Variants in MLPH observed in about 807,000 individuals in gnomAD.
MLPH encodes the protein exophilin-3.
A neutral mutation model predicts 72.1 loss-of-function variants in MLPH; 51 were observed. That is an observed-to-expected ratio of 0.71 (90% CI 0.56 to 0.89). The LOEUF is 0.89. MLPH is among the 40% of genes least tolerant of loss of function. MLPH has a pLI of 0.00. For synonymous variants in MLPH, 301 were observed against 310.1 expected (o/e 0.97, Z 0.31); for missense variants, 743 against 759.9 (o/e 0.98, Z 0.26).
chr2:237,507,068 T>TC (rs1282767967), intron 2 of MLPH, among the ~76,000 whole-genome samples: 2 of 141,408 alleles, frequency 1.4e-5, no homozygotes. Context: ...TTTTCTTTTT[T>TC]TTTTTTTTTT....
intron 12 of MLPH, among the ~76,000 whole-genome samples, chr2:237,542,869 G>GT (rs1426096088): frequency 2.3e-5 from 1 of 43,454 alleles, no homozygotes; most frequent in Non-Finnish European, 3.6e-5. Context: ...ACAGTGGTGA[G>GT]TGGGGGACAG....
At chr2:237,497,496 C>T (rs1455887457) in intron 2 of MLPH, among the ~76,000 whole-genome samples, 5 of 152,212 alleles carry the variant, frequency 3.3e-5, no homozygotes, top group African/African-American at 4.8e-5. Flanking sequence ...CGTGTGGGCA[C>T]GCATCAGGTG....
At chr2:237,521,226 AC>A (rs2080175280) in intron 6 of MLPH, among the ~76,000 whole-genome samples, 1 of 152,206 alleles carries the variant, frequency 6.6e-6, no homozygotes, top group Admixed American at 6.5e-5. Flanking sequence ...GGTACTATAG[AC>A]AGCTGTTAAG....
At chr2:237,539,147 G>T (rs941547106) in intron 9 of MLPH, among the ~76,000 whole-genome samples, 5 of 152,184 alleles carry the variant, frequency 3.3e-5, no homozygotes, top group Non-Finnish European at 4.4e-5. Flanking sequence ...ACTATGGGGG[G>T]GCGGGGAGGC....
intron 7 of MLPH, among the ~76,000 whole-genome samples, chr2:237,526,070 G>T (rs898300416): frequency 3.3e-5 from 5 of 152,200 alleles, no homozygotes; most frequent in African/African-American, 9.6e-5. Flanking sequence ...CCAGCCTGGG[G>T]TGGGACATGC....
In MLPH at chr2:237,525,710, C is replaced by A. The variant is rs779729023; in HGVS notation, c.785C>A (p.Pro262Gln). ...SGCHSHPEEQ[P>Q]TSISPSRHGA... ...TGCCACTCCCATCCGGAAGAGCAGC[C>A]GACCAGCATCTCACCTTCCAGACAC... Residue 262 changes from proline (P) to glutamine (Q), a missense_variant, in exon 7 of 16, where the codon CCG becomes CAG. Transcript: ENST00000264605. The A allele has an allele frequency of 2.5e-6, 4 of 1,614,018 alleles. No homozygotes were observed. The highest frequency in any genetic ancestry group is 3.3e-5 in the Admixed American group (2 of 60,004).
upstream of MLPH, chr2:237,486,718 A>T (rs1411655835): frequency 6.6e-6 from 1 of 152,140 alleles, no homozygotes; most frequent in Non-Finnish European, 1.5e-5. Flanking sequence ...CCTGGTCCTG[A>T]TGCCTGGCAG....
chr2:237,551,821 A>T (rs1176199439), intron 14 of MLPH, among the ~76,000 whole-genome samples: 1 of 152,144 alleles, frequency 6.6e-6, no homozygotes, highest in South Asian at 2.1e-4. Context: ...CTACTAAAAA[A>T]TACAAAAATT....
chr2:237,554,106 T>C lies in MLPH; in HGVS notation c.*514T>C. ...CGGACAAGTGACTGAACTAATGATCTGCTGAATAATGAAGGAGGAATAGAC... is the reference window on the plus strand; with the variant it reads ...CGGACAAGTGACTGAACTAATGATCCGCTGAATAATGAAGGAGGAATAGAC... On this transcript the variant is annotated 3_prime_UTR_variant, in exon 16 of 16. Coordinates refer to ENST00000264605, the MANE Select transcript of MLPH (RefSeq NM_024101.7). 3.6e-6 allele frequency: 1 copy of C among 277,008 alleles called. No individual in the cohort carries two copies. Among genetic ancestry groups the C allele is most frequent in the Non-Finnish European group, 7.1e-6 (1 of 141,262 alleles). 17.2% of individuals were successfully genotyped at this position (277,008 alleles called of 1,614,324 possible).
intron 9 of MLPH, among the ~76,000 whole-genome samples, chr2:237,539,818 G>A (rs1441478783): frequency 6.6e-6 from 1 of 152,218 alleles, no homozygotes; most frequent in East Asian, 1.9e-4. Flanking sequence ...AGCCACAGGT[G>A]AACTCGCAGT....
At position 237,499,132 on chromosome 2, in the gene MLPH, A is replaced by G. The variant is rs1393598117; in HGVS notation, c.110+5596A>G. ...GATGGATCTTTTAAATGGTCAAAGAACAGATAAATCCTGTGTGATTTAAAC... is the reference window on the plus strand; with the variant it reads ...GATGGATCTTTTAAATGGTCAAAGAGCAGATAAATCCTGTGTGATTTAAAC... On this transcript the variant is annotated intron_variant, in intron 2 of 15. Transcript: ENST00000264605. 2.0e-5 allele frequency among the ~76,000 whole-genome samples: 3 copies of G among 152,152 alleles called. No homozygotes were observed. The East Asian group carries it at 5.8e-4, about 29-fold the overall frequency.
intron 2 of MLPH, among the ~76,000 whole-genome samples, chr2:237,499,112 A>G (rs1469111152): frequency 6.6e-6 from 1 of 152,158 alleles, no homozygotes; most frequent in Non-Finnish European, 1.5e-5. Flanking sequence ...TCATGGATGG[A>G]TCTTTTAAAT....
chr2:237,534,716 A>G (rs1406555598), intron 9 of MLPH, 69 bp downstream of exon 9: 1 of 1,253,236 alleles, frequency 8.0e-7, no homozygotes, highest in South Asian at 1.2e-5. Flanking sequence ...CTGAAGTGTG[A>G]CATGGGCTTT....
At position 237,510,173 on chromosome 2, in the gene MLPH, C is replaced by G. The variant is rs567957511; in HGVS notation, c.111-401C>G. The G allele has an allele frequency of 9.6e-6, 3 of 313,522 alleles. No homozygotes were observed. Among genetic ancestry groups the G allele is most frequent in the Non-Finnish European group, 1.8e-5 (3 of 162,396 alleles). The allele number at this position is 313,522 out of a possible 1,614,324, so 19.4% of individuals were successfully genotyped here. Reference sequence around the variant, plus strand: ...GGGCGTTAGCTCAACTCTTGCCCCCCTGCTGAAGGAGACCAAAACAATGCT... The same window carrying G: ...GGGCGTTAGCTCAACTCTTGCCCCCGTGCTGAAGGAGACCAAAACAATGCT... On this transcript the variant is annotated intron_variant, in intron 2 of 15. Coordinates refer to ENST00000264605, the MANE Select transcript of MLPH (RefSeq NM_024101.7). This position sits in a 1 kb window ranked among gnomAD's most constrained non-coding sequence, Gnocchi z 4.4.
At chr2:237,489,092 G>A (rs2079377704) in intron 1 of MLPH, among the ~76,000 whole-genome samples, 1 of 152,238 alleles carries the variant, frequency 6.6e-6, no homozygotes, top group Non-Finnish European at 1.5e-5. Context: ...ACCCTGAGAG[G>A]AGGGGCATCT....
intron 12 of MLPH, chr2:237,545,831 T>C (rs2080907201): frequency 3.6e-6 from 1 of 281,038 alleles, no homozygotes; most frequent in African/African-American, 2.3e-5. Context: ...CTAGTATAAG[T>C]ATACCCCATG....
intron 2 of MLPH, among the ~76,000 whole-genome samples, chr2:237,506,603 A>G (rs976850021): frequency 6.6e-6 from 1 of 152,218 alleles, no homozygotes; most frequent in Non-Finnish European, 1.5e-5. Flanking sequence ...AGTAATTAGA[A>G]TGGAACAGAA....
rs1216141693 is a variant in MLPH, at chr2:237,540,851, A to G, written c.1340A>G (p.Asp447Gly). ...AACAGACAGGAAAAAAGCCCCCAGGACCCTGGGGACCCCGTCCAGTACAAC... is the reference window on the plus strand; with the variant it reads ...AACAGACAGGAAAAAAGCCCCCAGGGCCCTGGGGACCCCGTCCAGTACAAC... The part of the protein sequence containing the change: ...QTNRQEKSPQ[D>G]PGDPVQYNRT... Residue 447 changes from aspartate (D) to glycine (G), a missense_variant, in exon 11 of 16, where the codon GAC becomes GGC. Coordinates refer to ENST00000264605, the MANE Select transcript of MLPH (RefSeq NM_024101.7). 1.2e-6 allele frequency: 2 copies of G among 1,613,160 alleles called. No homozygotes were observed. The highest frequency in any genetic ancestry group is 1.7e-6 in the Non-Finnish European group (2 of 1,179,986).
chr2:237,526,247 G>A (rs992172886), intron 7 of MLPH, among the ~76,000 whole-genome samples: 66 of 152,220 alleles, frequency 4.3e-4, no homozygotes, highest in Non-Finnish European at 6.9e-4. Flanking sequence ...TAACTTTGTC[G>A]TCAGTTTTGC....
Sources: gnomAD v4.1 joint callset for allele counts (sites outside exome capture counted in the v4.1 genomes callset) on GRCh38, gnomAD v4.1.1 for gene constraint, Gnocchi (gnomAD v3.1) non-coding constraint, MANE v1.5 for transcripts, NCBI Gene and HGNC (gene_info 2026-07-23, HGNC 2026-07-21) for gene names.